Variants in NOL10 observed in about 807,000 individuals in gnomAD.
NOL10 encodes H_NH0074G24.1.
NOL10 carries 58 observed loss-of-function variants against 103.5 expected under a neutral mutation model. That is an observed-to-expected ratio of 0.56 (90% CI 0.45 to 0.70). NOL10 has a LOEUF of 0.70. Among genes scored for constraint, NOL10 ranks in the 30% least tolerant of loss-of-function variants. NOL10 has a pLI of 0.00. For missense variants in NOL10, 763 were observed against 807.3 expected (o/e 0.95, Z 0.67); for synonymous variants, 287 against 282.5 (o/e 1.02, Z -0.16).
chr2:10,662,099 T>C (rs1680248091), intron 9 of NOL10, among the ~76,000 whole-genome samples: 1 of 152,306 alleles, frequency 6.6e-6, no homozygotes, highest in South Asian at 2.1e-4. Context: ...TGCAACATAA[T>C]TCCTAAAGGC....
rs1013517788 is a variant in NOL10, at chr2:10,607,209, T to A, written c.1129A>T (p.Thr377Ser). Residue 377 changes from threonine (T) to serine (S), a missense_variant, in exon 14 of 21, where the codon ACC becomes TCC. Coordinates refer to ENST00000381685, the MANE Select transcript of NOL10 (RefSeq NM_024894.4). ...CCTAAATTTTCAAGGTCTTTCTTGG[T>A]GACAAATTTATAATCATCATAGACT... ...STVYDDYKFV[T>S]KKDLENLGLT... is the part of the protein sequence containing the mutation. 1 of 1,585,644 alleles carries A rather than the reference T, an allele frequency of 6.3e-7. No homozygotes were observed. Among genetic ancestry groups the A allele is most frequent in the Admixed American group, 1.8e-5 (1 of 56,478 alleles).
intron 19 of NOL10, among the ~76,000 whole-genome samples, chr2:10,581,210 A>C (rs1218073884): frequency 6.6e-6 from 1 of 152,156 alleles, no homozygotes; most frequent in African/African-American, 2.4e-5. Flanking sequence ...GAGTGTGGGG[A>C]AACAGGCGCT....
intron 13 of NOL10, among the ~76,000 whole-genome samples, chr2:10,610,996 T>C (rs1453184537): frequency 6.6e-6 from 1 of 152,230 alleles, no homozygotes; most frequent in African/African-American, 2.4e-5. Context: ...TTTATTTTTT[T>C]AGAGACAGGT....
intron 3 of NOL10, among the ~76,000 whole-genome samples, chr2:10,679,048 C>T (rs1233050052): frequency 6.6e-6 from 1 of 151,938 alleles, no homozygotes; most frequent in Non-Finnish European, 1.5e-5. Flanking sequence ...AATACTGAGA[C>T]CCCATCTCCA....
At position 10,662,941 on chromosome 2, in the gene NOL10, AAATT is replaced by A. The variant is rs1425160119; in HGVS notation, c.677+14_677+17del. 4 of 1,587,864 alleles carry A rather than the reference AAATT, an allele frequency of 2.5e-6. No homozygotes were observed. The Admixed American group carries it at 6.7e-5, about 27-fold the overall frequency. On this transcript the variant is annotated intron_variant, in intron 9 of 20. Coordinates refer to ENST00000381685, the MANE Select transcript of NOL10 (RefSeq NM_024894.4). ...AAAAGTTGATGAACATTTACATTGC[AAATT>A]AATTTCTACTTACTCTGAATCTGCT...
At chr2:10,630,296 G>A (rs1677747015) in intron 13 of NOL10, among the ~76,000 whole-genome samples, 1 of 152,150 alleles carries the variant, frequency 6.6e-6, no homozygotes, top group South Asian at 2.1e-4. Context: ...TTTATAAATG[G>A]CAATGCTGGT....
chr2:10,656,780 GTTTT>G (rs1309596564), intron 11 of NOL10, among the ~76,000 whole-genome samples: 1 of 152,214 alleles, frequency 6.6e-6, no homozygotes, highest in African/African-American at 2.4e-5. Flanking sequence ...AAAGTGATCT[GTTTT>G]TAAACTAAAA....
intron 13 of NOL10, among the ~76,000 whole-genome samples, chr2:10,639,388 C>T (rs1678546333): frequency 6.6e-6 from 1 of 152,208 alleles, no homozygotes; most frequent in African/African-American, 2.4e-5. Context: ...TGCCATTGCA[C>T]TCCAGCCTGG....
In NOL10 at chr2:10,671,550, A is replaced by G. The variant is rs1680941625; in HGVS notation, c.464+4T>C. 8 of 1,596,672 alleles carry G rather than the reference A, an allele frequency of 5.0e-6. No individual in the cohort carries two copies. Among genetic ancestry groups the G allele is most frequent in the Non-Finnish European group, 6.8e-6 (8 of 1,173,538 alleles). On this transcript the variant is annotated splice_donor_region_variant and intron_variant, in intron 6 of 20. Transcript: ENST00000381685. ...AAAGGAGAAAAAGGGACTGGATCCA[A>G]TACCTTGCACCAACAAAGTACAAGT...
chr2:10,615,554 T>C (rs1676788649), intron 13 of NOL10, among the ~76,000 whole-genome samples: 2 of 152,222 alleles, frequency 1.3e-5, no homozygotes, highest in South Asian at 4.1e-4. Context: ...TTAATAGTGG[T>C]ACCCCCATCG....
At chr2:10,655,256 GA>G (rs371754512) in intron 11 of NOL10, among the ~76,000 whole-genome samples, 71 of 150,046 alleles carry the variant, frequency 4.7e-4, no homozygotes, top group African/African-American at 1.7e-3. Flanking sequence ...AGGAAGAAAG[GA>G]AAGAAAAGAA....
chr2:10,626,827 T>C (rs1677500976), intron 13 of NOL10, among the ~76,000 whole-genome samples: 2 of 152,214 alleles, frequency 1.3e-5, no homozygotes, highest in Non-Finnish European at 2.9e-5. Flanking sequence ...ACAAACATCA[T>C]CTGATACACT....
chr2:10,596,066 T>C (rs1021786603), intron 17 of NOL10, among the ~76,000 whole-genome samples: 4 of 152,114 alleles, frequency 2.6e-5, no homozygotes, highest in Admixed American at 2.0e-4. Flanking sequence ...CTGTACCTAA[T>C]TGTATTCCCT....
chr2:10,625,108 G>A (rs549074727), intron 13 of NOL10, among the ~76,000 whole-genome samples: 2 of 152,318 alleles, frequency 1.3e-5, no homozygotes, highest in East Asian at 1.9e-4. Flanking sequence ...GTGATTGCTC[G>A]GGGTTTGTGG....
intron 13 of NOL10, among the ~76,000 whole-genome samples, chr2:10,630,246 C>A (rs1215219569): frequency 6.6e-6 from 1 of 152,172 alleles, no homozygotes; most frequent in Non-Finnish European, 1.5e-5. Context: ...GCTCAAGAAA[C>A]TAGTGTTCGG....
rs561099734 is a variant in NOL10, at chr2:10,654,779, C to CA, written c.907-233dup. Among the ~76,000 whole-genome samples, 519 of 150,538 alleles carry CA rather than the reference C, an allele frequency of 3.4e-3. 1 individual carries two copies. Among genetic ancestry groups the CA allele is most frequent in the Non-Finnish European group, 5.7e-3 (384 of 67,606 alleles). On this transcript the variant is annotated intron_variant, in intron 11 of 20. Transcript: ENST00000381685. ...GCCTAAGGAGAAGAAGTGACCTGTC[C>CA]AAAAAAAAGAAAAATTACAACATTT...
Position 10,668,663 on chromosome 2 carries a change from A to T in NOL10, c.525T>A (p.Asp175Glu), listed in dbSNP as rs779428103. The T allele has an allele frequency of 6.6e-6, 10 of 1,517,500 alleles. No homozygotes were observed. The highest frequency in any genetic ancestry group is 9.0e-6 in the Non-Finnish European group (10 of 1,110,554). 94.0% of individuals were successfully genotyped at this position (1,517,500 alleles called of 1,614,324 possible). Residue 175 changes from aspartate (D) to glutamate (E), a missense_variant, in exon 7 of 21, where the codon GAT becomes GAA. Coordinates refer to ENST00000381685, the MANE Select transcript of NOL10 (RefSeq NM_024894.4). The stretch of plus-strand genomic sequence containing the variant: ...GAATTACTAAAACTACTCACGCAGC[A>T]TCAGTTTGTAGAGGATTCAGGTATC... ...QGRYLNPLQTDAAENNVCDIN... is the reference protein window; with the variant it reads ...QGRYLNPLQTEAAENNVCDIN...
intron 13 of NOL10, among the ~76,000 whole-genome samples, chr2:10,631,381 A>G (rs1677828285): frequency 1.3e-5 from 2 of 152,244 alleles, no homozygotes; most frequent in African/African-American, 4.8e-5. Flanking sequence ...TTTAAAACAT[A>G]CAATAAGGCT....
At chr2:10,667,187 A>C in intron 8 of NOL10, 31 bp downstream of exon 8, 1 of 1,494,930 alleles carries the variant, frequency 6.7e-7, no homozygotes, top group Non-Finnish European at 9.1e-7. Context: ...TAAAACAAAT[A>C]TTCTAAAAAA....
Sources: gnomAD v4.1 joint callset for allele counts (sites outside exome capture counted in the v4.1 genomes callset) on GRCh38, gnomAD v4.1.1 for gene constraint, MANE v1.5 for transcripts, NCBI Gene and HGNC (gene_info 2026-07-23, HGNC 2026-07-21) for gene names.